GPRC5B: variants seen among roughly 807,000 people sequenced by gnomAD.
The protein encoded by GPRC5B is G protein-coupled receptor class C group 5 member B, also known as G protein-coupled receptor family C group 5 member B.
Under a neutral mutation model 30.1 loss-of-function variants are expected in GPRC5B, and 16 were observed. That is an observed-to-expected ratio of 0.53 (90% CI 0.36 to 0.81). The LOEUF is 0.81. Ranked by LOEUF, GPRC5B falls within the 30% of genes least tolerant of loss-of-function variation. The probability of loss-of-function intolerance (pLI) is 0.01; values close to 1 mark genes in which losing one functional copy is unlikely to be tolerated. For missense variants in GPRC5B, 428 were observed against 544.7 expected, an observed-to-expected ratio of 0.79 and a Z score of 2.13; for synonymous variants, 241 against 239.5, an observed-to-expected ratio of 1.01 and a Z score of -0.06.
chr16:19,857,591 G>A lies in GPRC5B; in HGVS notation c.*2909C>T, dbSNP rs1241686438. On this transcript the variant is annotated 3_prime_UTR_variant, in exon 4 of 4. Coordinates refer to ENST00000300571, the MANE Select transcript of GPRC5B (RefSeq NM_016235.3). ...TAAAAAGCACCTGCTGAGAACTCCTGTAAGCTGGTATCATCATTGCATCAT... is the reference window on the plus strand; with the variant it reads ...TAAAAAGCACCTGCTGAGAACTCCTATAAGCTGGTATCATCATTGCATCAT... 1.1e-5 allele frequency: 4 copies of A among 348,308 alleles called. No individual in the cohort carries two copies. The highest frequency in any genetic ancestry group is 2.2e-5 in the African/African-American group (1 of 44,912). The allele number at this position is 348,308 out of a possible 1,614,324, so 21.6% of individuals were successfully genotyped here.
At chr16:19,873,419 G>A (rs755060668) in intron 1 of GPRC5B, among the ~76,000 whole-genome samples, 9 of 149,864 alleles carry the variant, frequency 6.0e-5, no homozygotes, top group East Asian at 5.9e-4. Flanking sequence ...AGCTGAGCTC[G>A]TGCCACTAAA....
At chr16:19,870,889 A>C (rs1361086387) in intron 2 of GPRC5B, among the ~76,000 whole-genome samples, 1 of 152,178 alleles carries the variant, frequency 6.6e-6, no homozygotes, top group African/African-American at 2.4e-5. Context: ...GCCTGGTGGA[A>C]ATGTTGGTCC....
chr16:19,858,982 C>A lies in GPRC5B; in HGVS notation c.*1518G>T. The stretch of plus-strand genomic sequence containing the variant: ...CAGAGACTAGGGCCTTGAGAAATAT[C>A]AAAAGGTTTATTGAAACATACTCAG... On this transcript the variant is annotated 3_prime_UTR_variant, in exon 4 of 4. Transcript: ENST00000300571. 6.2e-6 allele frequency: 1 copy of A among 161,372 alleles called. No individual in the cohort carries two copies. 10.0% of individuals were successfully genotyped at this position (161,372 alleles called of 1,614,324 possible).
At chr16:19,882,525 C>T (rs2056815557) in intron 1 of GPRC5B, among the ~76,000 whole-genome samples, 1 of 152,162 alleles carries the variant, frequency 6.6e-6, no homozygotes, top group Non-Finnish European at 1.5e-5. Context: ...ACCTGAGCTG[C>T]TCCTCCAGTT....
At chr16:19,885,207 G>A, upstream of GPRC5B, 1 of 1,288,542 alleles carries the variant, frequency 7.8e-7, no homozygotes, top group South Asian at 1.2e-5. The surrounding 1 kb of genome is among the most constrained non-coding windows in gnomAD (Gnocchi z 5.3). Context: ...ACTTACCGAG[G>A]GAGGTATCGC....
Position 19,871,967 on chromosome 16 carries a change from G to C in GPRC5B, c.879C>G (p.His293Gln). The C allele has an allele frequency of 6.2e-7, 1 of 1,614,138 alleles. No homozygotes were observed. The highest frequency in any genetic ancestry group is 8.5e-7 in the Non-Finnish European group (1 of 1,180,038). ...CCTGCAGGGCTGGCAGAAGGGTGCAGTGGATCTCAGGGATGGCGTGGAAGA... is the reference window on the plus strand; with the variant it reads ...CCTGCAGGGCTGGCAGAAGGGTGCACTGGATCTCAGGGATGGCGTGGAAGA... Reference protein sequence around the residue: ...FVIFHAIPEIHCTLLPALQEN... With the variant: ...FVIFHAIPEIQCTLLPALQEN... The change falls in exon 2 of 4, where the codon CAC becomes CAG. Residue 293 changes from histidine to glutamine, a missense_variant. Around this residue, in one of 3 missense-constraint regions of GPRC5B, gnomAD observed 213 missense variants for 229.1 expected, o/e 0.93. Coordinates refer to ENST00000300571, the MANE Select transcript of GPRC5B (RefSeq NM_016235.3).
chr16:19,869,258 G>A (rs1296677495), intron 2 of GPRC5B, among the ~76,000 whole-genome samples: 1 of 151,256 alleles, frequency 6.6e-6, no homozygotes, highest in Non-Finnish European at 1.5e-5. Flanking sequence ...GAAGCTGGGA[G>A]GTGGAGGCTG....
chr16:19,871,650 AC>A (rs1192766163), intron 2 of GPRC5B, among the ~76,000 whole-genome samples, 165 bp downstream of exon 2: 1 of 152,112 alleles, frequency 6.6e-6, no homozygotes, highest in Non-Finnish European at 1.5e-5. Context: ...AACAACCCAA[AC>A]CCATATCTGG....
rs777156222 is a variant in GPRC5B, at chr16:19,872,789, C to T, written c.57G>A (p.Leu19=). ...MRAHQVLTFL[L]LFVITSVASE... The stretch of plus-strand genomic sequence containing the variant: ...AGGCCACCGAGGTGATCACGAAGAG[C>T]AGGAGGAAGGTGAGCACCTGGTGAG... Residue 19 remains leucine, a synonymous_variant, in exon 2 of 4, where the codon CTG becomes CTA. Coordinates refer to ENST00000300571, the MANE Select transcript of GPRC5B (RefSeq NM_016235.3). This position sits in a 1 kb window ranked among gnomAD's most constrained non-coding sequence, Gnocchi z 5.0. 2 of 1,613,814 alleles carry T rather than the reference C, an allele frequency of 1.2e-6. No homozygotes were observed. The highest frequency in any genetic ancestry group is 1.7e-6 in the Non-Finnish European group (2 of 1,179,968).
At chr16:19,875,570 G>C (rs1342301808) in intron 1 of GPRC5B, among the ~76,000 whole-genome samples, 1 of 152,158 alleles carries the variant, frequency 6.6e-6, no homozygotes, top group Admixed American at 6.5e-5. Flanking sequence ...TTGAGGACAG[G>C]AGTTTGAGAC....
chr16:19,885,166 C>A (rs1455854359), upstream of GPRC5B: 17 of 1,263,580 alleles, frequency 1.3e-5, no homozygotes, highest in Non-Finnish European at 1.8e-5. This position sits in a 1 kb window ranked among gnomAD's most constrained non-coding sequence, Gnocchi z 5.3. Context: ...CAGGGTAGAT[C>A]CATTTGCGGG....
chr16:19,871,699 G>C (rs1446009425), intron 2 of GPRC5B, 117 bp downstream of exon 2: 14 of 882,352 alleles, frequency 1.6e-5, no homozygotes, highest in Non-Finnish European at 2.3e-5. Context: ...TGTGGGTTCT[G>C]ATCTGCTAGG....
intron 2 of GPRC5B, among the ~76,000 whole-genome samples, chr16:19,863,927 G>T (rs975781339): frequency 6.6e-6 from 1 of 151,872 alleles, no homozygotes; most frequent in South Asian, 2.1e-4. Flanking sequence ...TCCTGAAACC[G>T]CCCCCCAACC....
In GPRC5B at chr16:19,879,416, A is replaced by T. The variant is rs1035444929; in HGVS notation, c.-2+5311T>A. Among the ~76,000 whole-genome samples, 53 of 150,310 alleles carry T rather than the reference A, an allele frequency of 3.5e-4. 1 individual carries two copies. The Middle Eastern group carries it at 0.01, about 30-fold the overall frequency. On this transcript the variant is annotated intron_variant, in intron 1 of 3. Coordinates refer to ENST00000300571, the MANE Select transcript of GPRC5B (RefSeq NM_016235.3). ...AATATACTGCATCTCTCTCTCTCTC[A>T]CACACACACACACACCACACACACA...
At chr16:19,874,472 C>T (rs2056746079) in intron 1 of GPRC5B, among the ~76,000 whole-genome samples, 1 of 152,222 alleles carries the variant, frequency 6.6e-6, no homozygotes, top group South Asian at 2.1e-4. Flanking sequence ...TCCTCCCATC[C>T]TCACTTCCTC....
chr16:19,873,681 T>C (rs369850783), intron 1 of GPRC5B, among the ~76,000 whole-genome samples: 13 of 152,092 alleles, frequency 8.5e-5, no homozygotes, highest in South Asian at 2.1e-4. Context: ...ATCTTACAGG[T>C]GACAATACAG....
chr16:19,870,786 A>G (rs998598837), intron 2 of GPRC5B, among the ~76,000 whole-genome samples: 12 of 152,172 alleles, frequency 7.9e-5, no homozygotes, highest in African/African-American at 2.7e-4. Flanking sequence ...AGAAAAGTGG[A>G]TTCCCATCTA....
At chr16:19,885,115 C>G, upstream of GPRC5B, 2 of 962,692 alleles carry the variant, frequency 2.1e-6, no homozygotes, top group Non-Finnish European at 2.9e-6. The surrounding 1 kb of genome is among the most constrained non-coding windows in gnomAD (Gnocchi z 5.3). Flanking sequence ...CCCACAACGT[C>G]AGTGCGCCCG....
intron 1 of GPRC5B, among the ~76,000 whole-genome samples, chr16:19,881,148 G>C (rs2056804106): frequency 6.6e-6 from 1 of 152,210 alleles, no homozygotes; most frequent in Non-Finnish European, 1.5e-5. Context: ...TGGGAGGCAG[G>C]CCAGAAGAGG....
Sources: gnomAD v4.1 joint callset for allele counts (sites outside exome capture counted in the v4.1 genomes callset) on GRCh38, gnomAD v4.1.1 for gene constraint, gnomAD v4.1.1 regional missense constraint, Gnocchi (gnomAD v3.1) non-coding constraint, MANE v1.5 for transcripts, NCBI Gene and HGNC (gene_info 2026-07-23, HGNC 2026-07-21) for gene names.